ENTREP2: variants seen among roughly 807,000 people sequenced by gnomAD.
ENTREP2 encodes the protein endosomal transmembrane epsin interactor 2, also known as protein ENTREP2.
the ENTREP2 span, among the ~76,000 whole-genome samples, chr15:29,637,560 G>C: frequency 6.6e-6 from 1 of 152,196 alleles, no homozygotes; most frequent in Non-Finnish European, 1.5e-5. Context: ...GTGAGTGAGA[G>C]AGTGAGTGTC....
At chr15:29,252,659 T>C in the ENTREP2 span, among the ~76,000 whole-genome samples, 1 of 152,154 alleles carries the variant, frequency 6.6e-6, no homozygotes, top group Non-Finnish European at 1.5e-5. Flanking sequence ...ATTCATATGA[T>C]CTGAAATAGA....
the ENTREP2 span, among the ~76,000 whole-genome samples, chr15:29,533,387 G>C: frequency 2.0e-5 from 3 of 152,206 alleles, no homozygotes; most frequent in Non-Finnish European, 4.4e-5. Flanking sequence ...TGCTGCACTT[G>C]CAATGGTGGG....
At chr15:29,615,616 T>A in the ENTREP2 span, among the ~76,000 whole-genome samples, 1 of 152,064 alleles carries the variant, frequency 6.6e-6, no homozygotes, top group Non-Finnish European at 1.5e-5. Context: ...GAAGGTGTGT[T>A]CCCCCACCTA....
chr15:29,274,176 A>C, the ENTREP2 span, among the ~76,000 whole-genome samples: 1 of 152,188 alleles, frequency 6.6e-6, no homozygotes, highest in Non-Finnish European at 1.5e-5. Flanking sequence ...ACAAGGGGGG[A>C]CTACTATACA....
the ENTREP2 span, among the ~76,000 whole-genome samples, chr15:29,479,081 C>A: frequency 6.7e-6 from 1 of 150,280 alleles, no homozygotes; most frequent in South Asian, 2.1e-4. Context: ...GTGGCGGGCG[C>A]CTGTAGTCCC....
chr15:29,203,404 A>AAAC, the ENTREP2 span, among the ~76,000 whole-genome samples: 14 of 152,082 alleles, frequency 9.2e-5, no homozygotes, highest in East Asian at 7.7e-4. Flanking sequence ...TCTGTCTTGA[A>AAAC]AACAACAACA....
chr15:29,131,878 A>G, the ENTREP2 span, among the ~76,000 whole-genome samples: 1 of 134,666 alleles, frequency 7.4e-6, no homozygotes, highest in Admixed American at 7.5e-5. Flanking sequence ...TATCAAAAGA[A>G]ACTCACTCCT....
the ENTREP2 span, among the ~76,000 whole-genome samples, chr15:29,588,888 A>G: frequency 3.5e-3 from 529 of 151,762 alleles, 4 homozygotes; most frequent in African/African-American, 0.012. Context: ...ACTCAGGAGG[A>G]TGAAGTGAGA....
chr15:29,496,032 T>A, the ENTREP2 span, among the ~76,000 whole-genome samples: 2,055 of 152,248 alleles, frequency 0.013, 41 homozygotes, highest in African/African-American at 0.047. Context: ...ATTATTCTGA[T>A]CCATGAACAT....
the ENTREP2 span, among the ~76,000 whole-genome samples, chr15:29,219,598 G>A: frequency 4.6e-5 from 5 of 109,674 alleles, no homozygotes; most frequent in Non-Finnish European, 9.3e-5. Context: ...AGTGTACAAA[G>A]GAACTGTGGT....
the ENTREP2 span, among the ~76,000 whole-genome samples, chr15:29,484,568 C>T: frequency 6.6e-4 from 101 of 152,222 alleles, no homozygotes; most frequent in Admixed American, 5.5e-3. Flanking sequence ...CACACACACA[C>T]GCACAGACTC....
At chr15:29,602,094 C>T in the ENTREP2 span, among the ~76,000 whole-genome samples, 1 of 152,136 alleles carries the variant, frequency 6.6e-6, no homozygotes, top group South Asian at 2.1e-4. Context: ...TAAATGAGTT[C>T]GTTTCATGCT....
chr15:29,418,211 G>A, the ENTREP2 span, among the ~76,000 whole-genome samples: 1 of 152,122 alleles, frequency 6.6e-6, no homozygotes, highest in African/African-American at 2.4e-5. Flanking sequence ...AGCACCCCCT[G>A]CTTACCAGCT....
chr15:29,286,353 T>A, the ENTREP2 span, among the ~76,000 whole-genome samples: 1 of 152,228 alleles, frequency 6.6e-6, no homozygotes, highest in Non-Finnish European at 1.5e-5. Flanking sequence ...TAGACATACA[T>A]CAGCTTTATT....
At chr15:29,370,836 A>G in the ENTREP2 span, among the ~76,000 whole-genome samples, 1 of 152,142 alleles carries the variant, frequency 6.6e-6, no homozygotes, top group African/African-American at 2.4e-5. Flanking sequence ...CTCGCTCCAA[A>G]AAACCTTGAA....
the ENTREP2 span, among the ~76,000 whole-genome samples, chr15:29,470,164 C>T: frequency 1.3e-5 from 2 of 152,208 alleles, no homozygotes; most frequent in Non-Finnish European, 2.9e-5. Context: ...CAGACAGTCA[C>T]GGCGTGTGTG....
At chr15:29,614,743 GT>G in the ENTREP2 span, among the ~76,000 whole-genome samples, 1 of 152,192 alleles carries the variant, frequency 6.6e-6, no homozygotes, top group South Asian at 2.1e-4. Context: ...CACTGGGAAG[GT>G]AGAAGGTGGC....
At chr15:29,253,657 G>T in the ENTREP2 span, among the ~76,000 whole-genome samples, 2 of 151,962 alleles carry the variant, frequency 1.3e-5, no homozygotes, top group African/African-American at 4.8e-5. Context: ...TGGCCAGGAC[G>T]GTCTCGATCT....
At chr15:29,494,522 T>C in the ENTREP2 span, among the ~76,000 whole-genome samples, 4 of 152,230 alleles carry the variant, frequency 2.6e-5, no homozygotes, top group Admixed American at 6.5e-5. Context: ...TTTATCCTTG[T>C]GGTAAGAATA....
Sources: gnomAD v4.1 joint callset for allele counts (sites outside exome capture counted in the v4.1 genomes callset) on GRCh38, gnomAD v4.1.1 for gene constraint, MANE v1.5 for transcripts, NCBI Gene and HGNC (gene_info 2026-07-23, HGNC 2026-07-21) for gene names.